The following MEGF8 variants were observed in gnomAD, a reference collection of about 807,000 sequenced individuals.
MEGF8 encodes multiple EGF like domains 8.
MEGF8 carries 156 observed loss-of-function variants against 302.9 expected under a neutral mutation model. The ratio of observed to expected loss-of-function variants is 0.52; its 90% CI spans 0.45 to 0.59. The LOEUF (loss-of-function observed/expected upper bound fraction) is 0.59. MEGF8 is among the 20% of genes least tolerant of loss of function. MEGF8 has a pLI of 0.00. For missense variants in MEGF8, 3,345 were observed against 3,964.5 expected (o/e 0.84, Z 4.20); for synonymous variants, 1,621 against 1,660.5 (o/e 0.98, Z 0.58).
rs180794556 is a variant in MEGF8 at position 42,346,133 on chromosome 19, C to T, written c.2097+1300C>T. Among the ~76,000 whole-genome samples, 68 of 152,310 alleles carry T rather than the reference C, an allele frequency of 4.5e-4. 1 individual carries two copies. Among genetic ancestry groups the T allele is most frequent in the African/African-American group, 1.4e-3 (60 of 41,576 alleles). ...GCCAGCATGGTCTCGATCTCCTGAC[C>T]TCATGATCTGCCTGCCTCAGCCTCC... is the stretch of plus-strand genomic sequence containing the variant. On this transcript the variant is annotated intron_variant, in intron 12 of 41. Transcript: ENST00000251268.
At chr19:42,338,584 G>A (rs562746064) in intron 8 of MEGF8, among the ~76,000 whole-genome samples, 1 of 152,084 alleles carries the variant, frequency 6.6e-6, no homozygotes, top group Non-Finnish European at 1.5e-5. Context: ...CCAACCCTCA[G>A]GTAGGCCCCT....
At chr19:42,346,612 G>A (rs1200152644) in intron 12 of MEGF8, among the ~76,000 whole-genome samples, 6 of 152,050 alleles carry the variant, frequency 3.9e-5, no homozygotes, top group African/African-American at 1.4e-4. Flanking sequence ...GGGAGGCAGA[G>A]GTTACAGTGA....
rs35019445 is a variant in MEGF8, at chr19:42,370,242, C to A, written c.6888C>A (p.Gly2296=). ...TGTTTGTGGGTTCAGCTGTCGGAGG[C>A]GGGACCTGCCGGCCCTGCCACGCCT... ...LPLFVGSAVG[G]GTCRPCHAFC... Residue 2296 remains glycine, a synonymous_variant, in exon 39 of 42, where the codon GGC becomes GGA. Transcript: ENST00000251268. 8 of 1,613,190 alleles carry A rather than the reference C, an allele frequency of 5.0e-6. No individual in the cohort carries two copies. The highest frequency in any genetic ancestry group is 2.7e-5 in the African/African-American group (2 of 74,906).
intron 33 of MEGF8, 48 bp downstream of exon 33, chr19:42,362,261 G>C (rs1217155720): frequency 6.2e-7 from 1 of 1,609,854 alleles, no homozygotes; most frequent in South Asian, 1.1e-5. Flanking sequence ...TGTAGGGCAG[G>C]GAGGTCCTGG....
At position 42,351,869 on chromosome 19, in the gene MEGF8, C is replaced by G; in HGVS notation, c.3101+108C>G. ...TCTGCCCTCTTGCCCATCCCATGGC[C>G]ACCTTCCCTTTTCCGTACTGTTTTT... is the stretch of plus-strand genomic sequence containing the variant. On this transcript the variant is annotated intron_variant, in intron 18 of 41. Coordinates refer to ENST00000251268, the MANE Select transcript of MEGF8 (RefSeq NM_001271938.2). The surrounding 1 kb of genome is among the most constrained non-coding windows in gnomAD (Gnocchi z 5.6). 1.1e-6 allele frequency: 1 copy of G among 911,546 alleles called. No individual in the cohort carries two copies. Among genetic ancestry groups the G allele is most frequent in the Non-Finnish European group, 1.7e-6 (1 of 586,098 alleles). 56.5% of individuals were successfully genotyped at this position (911,546 alleles called of 1,614,324 possible). A position where few individuals can be genotyped will look rare whatever the true frequency, so the allele number is the denominator to read the frequency against.
chr19:42,372,652 AT>A (rs886414872), intron 41 of MEGF8, among the ~76,000 whole-genome samples: 20 of 149,430 alleles, frequency 1.3e-4, no homozygotes, highest in South Asian at 4.3e-4. Flanking sequence ...CTGCTTTTTT[AT>A]TTTTTTTTTA....
Position 42,378,050 on chromosome 19 carries a change from G to A in MEGF8, c.*1275G>A, listed in dbSNP as rs879498685. 2.0e-5 allele frequency: 3 copies of A among 152,270 alleles called. No homozygotes were observed. Among genetic ancestry groups the A allele is most frequent in the African/African-American group, 7.2e-5 (3 of 41,444 alleles). 9.4% of individuals were successfully genotyped at this position (152,270 alleles called of 1,614,324 possible). ...TCGTTAATTGAATGGGGCAGACTGA[G>A]GCTTGTGAGGAAGATCAGAGTCTGG... On this transcript the variant is annotated 3_prime_UTR_variant, in exon 42 of 42. Coordinates refer to ENST00000251268, the MANE Select transcript of MEGF8 (RefSeq NM_001271938.2).
At chr19:42,370,167 C>G in intron 38 of MEGF8, 22 bp from the exon 39 acceptor site, 1 of 1,598,260 alleles carries the variant, frequency 6.3e-7, no homozygotes, top group African/African-American at 1.3e-5. Context: ...GCCTCTCTAA[C>G]TACCCTGTCC....
In MEGF8 at chr19:42,369,409, C is replaced by T; in HGVS notation, c.6642-122C>T. Reference sequence around the variant, plus strand: ...GGGCTAGATCCTGAAGAGAAGATAGCAACGGGACAGAGCAGGGATGAGCAA... The same window carrying T: ...GGGCTAGATCCTGAAGAGAAGATAGTAACGGGACAGAGCAGGGATGAGCAA... On this transcript the variant is annotated intron_variant, in intron 37 of 41. Coordinates refer to ENST00000251268, the MANE Select transcript of MEGF8 (RefSeq NM_001271938.2). This position sits in a 1 kb window ranked among gnomAD's most constrained non-coding sequence, Gnocchi z 5.7. 1 of 976,524 alleles carries T rather than the reference C, an allele frequency of 1.0e-6. No homozygotes were observed. Among genetic ancestry groups the T allele is most frequent in the Non-Finnish European group, 1.5e-6 (1 of 665,360 alleles). The allele number at this position is 976,524 out of a possible 1,614,324, so 60.5% of individuals were successfully genotyped here. A position where few individuals can be genotyped will look rare whatever the true frequency, so the allele number is the denominator to read the frequency against.
chr19:42,343,682 G>T (rs2039246938), intron 9 of MEGF8, 51 bp downstream of exon 9: 8 of 1,531,494 alleles, frequency 5.2e-6, no homozygotes, highest in Non-Finnish European at 7.0e-6. Context: ...GAGGTAGCAG[G>T]GTTTCCACAG....
At chr19:42,371,233 C>T (rs1470040918) in intron 40 of MEGF8, 117 bp from the exon 41 acceptor site, 27 of 1,393,056 alleles carry the variant, frequency 1.9e-5, no homozygotes, top group Middle Eastern at 3.6e-4. Flanking sequence ...AGCTTGACCT[C>T]TGTGAACCTC....
chr19:42,344,016 CA>C lies in MEGF8; in HGVS notation c.1732del (p.Ser578ValfsTer133), dbSNP rs982464534. 3 of 1,613,660 alleles carry C rather than the reference CA, an allele frequency of 1.9e-6. No homozygotes were observed. Among genetic ancestry groups the C allele is most frequent in the Non-Finnish European group, 2.5e-6 (3 of 1,179,794 alleles). Reference protein sequence around the residue: ...HSVCSRDPECSWCQGACQAAP... With the variant: ...HSVCSRDPECXWCQGACQAAP... ...GCGTCTGCTCCCGGGACCCGGAATG[CA>C]GTTGGTGCCAAGGAGCCTGCCAAGC... On this transcript the variant is annotated frameshift_variant, in exon 10 of 42. Transcript: ENST00000251268. LOFTEE classifies it high-confidence loss of function. The surrounding 1 kb of genome is among the most constrained non-coding windows in gnomAD (Gnocchi z 4.5).
At position 42,375,770 on chromosome 19, in the gene MEGF8, C is replaced by A; in HGVS notation, c.7533C>A (p.Phe2511Leu). 1 of 1,613,006 alleles carries A rather than the reference C, an allele frequency of 6.2e-7. No homozygotes were observed. The highest frequency in any genetic ancestry group is 1.1e-5 in the South Asian group (1 of 91,034). The change falls in exon 42 of 42, where the codon TTC (phenylalanine) becomes TTA (leucine). Residue 2511 changes from phenylalanine (F) to leucine (L), a missense_variant. Transcript: ENST00000251268. The surrounding 1 kb of genome is among the most constrained non-coding windows in gnomAD (Gnocchi z 7.1). ...DLYVSTSYDT[F>L]VVRVAPDTGV... ...ATGTCTCCACCTCCTATGACACCTT[C>A]GTGGTCCGTGTGGCCCCTGACACTG... is the stretch of plus-strand genomic sequence containing the variant.
Position 42,326,087 on chromosome 19 carries a change from C to T in MEGF8, c.-157C>T. 1 of 1,245,120 alleles carries T rather than the reference C, an allele frequency of 8.0e-7. No individual in the cohort carries two copies. The highest frequency in any genetic ancestry group is 1.0e-6 in the Non-Finnish European group (1 of 956,508). 77.1% of individuals were successfully genotyped at this position (1,245,120 alleles called of 1,614,324 possible). On this transcript the variant is annotated 5_prime_UTR_variant, in exon 1 of 42. Transcript: ENST00000251268. ...CAGAGCCTGTCAGCAGTGGCCGTACCCTTCGCCGGGACTGCCGGGTCTCCG... is the reference window on the plus strand; with the variant it reads ...CAGAGCCTGTCAGCAGTGGCCGTACTCTTCGCCGGGACTGCCGGGTCTCCG...
In MEGF8 at chr19:42,375,908, G is replaced by A; in HGVS notation, c.7671G>A (p.Gly2557=). ...CAGGAGGAGCAGGGGCCAGCAGTGG[G>A]CCGGGCGCCCCAGCAGAGCCACGGG... The part of the protein sequence containing the change: ...GDPGGAGASS[G]PGAPAEPRVR... The change falls in exon 42 of 42, where the codon GGG becomes GGA. Residue 2557 remains glycine (G), a synonymous_variant. Coordinates refer to ENST00000251268, the MANE Select transcript of MEGF8 (RefSeq NM_001271938.2). This position sits in a 1 kb window ranked among gnomAD's most constrained non-coding sequence, Gnocchi z 7.1. The A allele has an allele frequency of 1.9e-6, 3 of 1,599,676 alleles. No homozygotes were observed. The highest frequency in any genetic ancestry group is 3.3e-4 in the Middle Eastern group (2 of 6,000).
At chr19:42,373,889 A>T (rs546838284) in intron 41 of MEGF8, among the ~76,000 whole-genome samples, 1 of 151,520 alleles carries the variant, frequency 6.6e-6, no homozygotes, top group South Asian at 2.1e-4. Context: ...ATTTTAAAAA[A>T]ATTTTAAAGA....
At position 42,356,110 on chromosome 19, in the gene MEGF8, G is replaced by T. The variant is rs772400231; in HGVS notation, c.4420G>T (p.Gly1474Cys). Residue 1474 changes from glycine (G) to cysteine (C), a missense_variant, in exon 25 of 42, where the codon GGC (glycine) becomes TGC (cysteine). Physicochemically the swap from Gly to Cys is radical, Grantham distance 159. Transcript: ENST00000251268. The surrounding 1 kb of genome is among the most constrained non-coding windows in gnomAD (Gnocchi z 5.2). ...CCTGGGTGTGTGCATCTGTGCCGAG[G>T]GCTTCGGGGGCCCCGACTGCGCCAC... The part of the protein sequence containing the change: ...QSLGVCICAE[G>C]FGGPDCATKL... The T allele has an allele frequency of 6.3e-7, 1 of 1,586,870 alleles. No individual in the cohort carries two copies. The highest frequency in any genetic ancestry group is 2.3e-5 in the East Asian group (1 of 44,254).
rs899086983 is a variant in MEGF8, at chr19:42,353,223, C to T, written c.3550+96C>T. The T allele has an allele frequency of 7.4e-6, 9 of 1,216,688 alleles. No homozygotes were observed. The highest frequency in any genetic ancestry group is 3.1e-5 in the African/African-American group (2 of 64,932). The allele number at this position is 1,216,688 out of a possible 1,614,324, so 75.4% of individuals were successfully genotyped here. ...TCTTCTTGGAGGGGGCCTCAGTGTC[C>T]TCTCATGCAGCTCTAGGTCCCCTGC... is the stretch of plus-strand genomic sequence containing the variant. On this transcript the variant is annotated intron_variant, in intron 20 of 41. Transcript: ENST00000251268. This position sits in a 1 kb window ranked among gnomAD's most constrained non-coding sequence, Gnocchi z 6.1.
In MEGF8 at chr19:42,368,608, G is replaced by A. The variant is rs1008199972; in HGVS notation, c.6427G>A (p.Gly2143Ser). 1.1e-5 allele frequency: 17 copies of A among 1,570,872 alleles called. No individual in the cohort carries two copies. The highest frequency in any genetic ancestry group is 2.3e-5 in the East Asian group (1 of 42,668). ...CCATTGCGGCTGGTGTGCCTGGGGGGGCCAGGATGGGGGTGGCCGCTGCAT... is the reference window on the plus strand; with the variant it reads ...CCATTGCGGCTGGTGTGCCTGGGGGAGCCAGGATGGGGGTGGCCGCTGCAT... ...RPHCGWCAWG[G>S]QDGGGRCMEG... is the part of the protein sequence containing the mutation. Residue 2143 changes from glycine (G) to serine (S), a missense_variant, in exon 36 of 42, where the codon GGC becomes AGC. Coordinates refer to ENST00000251268, the MANE Select transcript of MEGF8 (RefSeq NM_001271938.2). This position sits in a 1 kb window ranked among gnomAD's most constrained non-coding sequence, Gnocchi z 4.9.
Sources: gnomAD v4.1 joint callset for allele counts (sites outside exome capture counted in the v4.1 genomes callset) on GRCh38, gnomAD v4.1.1 for gene constraint, Gnocchi (gnomAD v3.1) non-coding constraint, MANE v1.5 for transcripts, NCBI Gene and HGNC (gene_info 2026-07-23, HGNC 2026-07-21) for gene names.